POLH: variants seen among roughly 807,000 people sequenced by gnomAD.
The protein encoded by POLH is DNA polymerase eta.
A neutral mutation model predicts 73.6 loss-of-function variants in POLH; 53 were observed. The observed-to-expected ratio is 0.72, with a 90% CI of 0.58 to 0.91. The LOEUF (loss-of-function observed/expected upper bound fraction) is 0.91. Ranked by LOEUF, POLH falls within the 40% of genes least tolerant of loss-of-function variation. POLH has a pLI of 0.00. For missense variants in POLH, 768 were observed against 865.4 expected (o/e 0.89, Z 1.41); for synonymous variants, 292 against 308.5 (o/e 0.95, Z 0.56).
chr6:43,587,959 G>C (rs537405880), intron 4 of POLH, among the ~76,000 whole-genome samples: 11 of 152,288 alleles, frequency 7.2e-5, no homozygotes, highest in Non-Finnish European at 1.3e-4. Context: ...CCAGGACCCA[G>C]GAGGTGGAGA....
chr6:43,596,915 C>T (rs1228859869), intron 4 of POLH, among the ~76,000 whole-genome samples: 1 of 151,886 alleles, frequency 6.6e-6, no homozygotes, highest in Non-Finnish European at 1.5e-5. Context: ...TCTAGTGCCT[C>T]GGAGTGGATT....
rs1387829019 is a variant in POLH at position 43,620,454 on chromosome 6, A to T, written c.*5897A>T. On this transcript the variant is annotated 3_prime_UTR_variant, in exon 11 of 11. Transcript: ENST00000372236. ...ATCCTGAAGAGGTATCTAGCCCTGG[A>T]AGGAAGCTGAGCCTGTAGCTAACGC... 2.7e-6 allele frequency: 1 copy of T among 369,044 alleles called. No homozygotes were observed. Among genetic ancestry groups the T allele is most frequent in the African/African-American group, 2.1e-5 (1 of 46,996 alleles). 22.9% of individuals were successfully genotyped at this position (369,044 alleles called of 1,614,324 possible). A position where few individuals can be genotyped will look rare whatever the true frequency, so the allele number is the denominator to read the frequency against.
chr6:43,587,083 T>A (rs1319255680), intron 3 of POLH, among the ~76,000 whole-genome samples, 189 bp from the exon 4 acceptor site: 1 of 152,236 alleles, frequency 6.6e-6, no homozygotes, highest in Non-Finnish European at 1.5e-5. Flanking sequence ...ATTCTTCCTT[T>A]TCCATGCTTC....
Position 43,618,771 on chromosome 6 carries a change from T to C in POLH, c.*4214T>C, listed in dbSNP as rs1039307465. Among the ~76,000 whole-genome samples, 3 of 152,020 alleles carry C rather than the reference T, an allele frequency of 2.0e-5. No individual in the cohort carries two copies. Among genetic ancestry groups the C allele is most frequent in the Admixed American group, 6.6e-5 (1 of 15,262 alleles). ...TCAGCCTCCTGAGTAGCTGGGATTA[T>C]AGGCATGCACCATCACGCCTGGCTA... On this transcript the variant is annotated 3_prime_UTR_variant, in exon 11 of 11. Coordinates refer to ENST00000372236, the MANE Select transcript of POLH (RefSeq NM_006502.3).
intron 5 of POLH, among the ~76,000 whole-genome samples, chr6:43,598,946 A>G (rs1008214508): frequency 2.0e-5 from 3 of 150,464 alleles, no homozygotes; most frequent in Non-Finnish European, 4.4e-5. Flanking sequence ...TTGCACTTAC[A>G]TACATTAATG....
chr6:43,617,711 C>T lies in POLH; in HGVS notation c.*3154C>T, dbSNP rs948028130. On this transcript the variant is annotated 3_prime_UTR_variant, in exon 11 of 11. Coordinates refer to ENST00000372236, the MANE Select transcript of POLH (RefSeq NM_006502.3). ...TTGGGAGGCTGAGGTGGGTGTATCACGAGGTCAAGAGATCAAGGCCATCCT... is the reference window on the plus strand; with the variant it reads ...TTGGGAGGCTGAGGTGGGTGTATCATGAGGTCAAGAGATCAAGGCCATCCT... Among the ~76,000 whole-genome samples the T allele has an allele frequency of 1.4e-4, 21 of 151,962 alleles. No individual in the cohort carries two copies. The highest frequency in any genetic ancestry group is 1.2e-3 in the Admixed American group (18 of 15,242).
chr6:43,594,607 T>C (rs974228466), intron 4 of POLH, among the ~76,000 whole-genome samples: 1 of 152,146 alleles, frequency 6.6e-6, no homozygotes, highest in Admixed American at 6.5e-5. Flanking sequence ...CTCCGGAGGC[T>C]GAAGCAGGAT....
Position 43,583,127 on chromosome 6 carries a change from A to G in POLH, c.258A>G (p.Lys86=), listed in dbSNP as rs1322437880. 5.6e-6 allele frequency: 9 copies of G among 1,614,032 alleles called. No homozygotes were observed. Among genetic ancestry groups the G allele is most frequent in the Non-Finnish European group, 7.6e-6 (9 of 1,179,952 alleles). ...LLAQVRESRG[K]ANLTKYREAS... ...CACAAGTTCGTGAGTCCCGTGGGAA[A>G]GCTAACCTCACCAAGTAAGAAAAAA... is the stretch of plus-strand genomic sequence containing the variant. Residue 86 remains lysine (K), a synonymous_variant, in exon 3 of 11, where the codon AAA becomes AAG. Transcript: ENST00000372236.
intron 5 of POLH, 129 bp downstream of exon 5, chr6:43,597,994 C>T (rs1044736898): frequency 1.4e-5 from 11 of 792,890 alleles, no homozygotes; most frequent in South Asian, 4.3e-5. Flanking sequence ...GAGTGGATCG[C>T]GTGAGCCCAG....
At chr6:43,608,024 A>G (rs1767487382) in intron 9 of POLH, among the ~76,000 whole-genome samples, 1 of 152,130 alleles carries the variant, frequency 6.6e-6, no homozygotes, top group South Asian at 2.1e-4. Flanking sequence ...CCAGCTACGC[A>G]GGAGGCTGAG....
At position 43,619,674 on chromosome 6, in the gene POLH, G is replaced by A. The variant is rs1486203991; in HGVS notation, c.*5117G>A. 6.6e-6 allele frequency among the ~76,000 whole-genome samples: 1 copy of A among 152,210 alleles called. No homozygotes were observed. The highest frequency in any genetic ancestry group is 1.9e-4 in the East Asian group (1 of 5,194). The stretch of plus-strand genomic sequence containing the variant: ...GAGATGTCTTATTAAGTACTGAAAT[G>A]TGATTTTCCAAAATTTTCTTTACAA... On this transcript the variant is annotated 3_prime_UTR_variant, in exon 11 of 11. Coordinates refer to ENST00000372236, the MANE Select transcript of POLH (RefSeq NM_006502.3).
At chr6:43,580,679 C>T (rs1378262588) in intron 1 of POLH, among the ~76,000 whole-genome samples, 1 of 139,468 alleles carries the variant, frequency 7.2e-6, no homozygotes, top group African/African-American at 2.8e-5. Context: ...GACCCCCCCA[C>T]CTCCCTCCCG....
intron 5 of POLH, among the ~76,000 whole-genome samples, chr6:43,598,720 T>C (rs1247069379): frequency 6.6e-6 from 1 of 152,088 alleles, no homozygotes; most frequent in African/African-American, 2.4e-5. Flanking sequence ...ATAGGTGTTA[T>C]AAGAAATTAG....
chr6:43,583,962 G>A (rs891034243), intron 3 of POLH, among the ~76,000 whole-genome samples: 2 of 152,062 alleles, frequency 1.3e-5, no homozygotes, highest in African/African-American at 2.4e-5. Context: ...GGCAACATGG[G>A]GAAACCCCAT....
chr6:43,583,686 T>A (rs955451230), intron 3 of POLH, among the ~76,000 whole-genome samples: 3 of 152,230 alleles, frequency 2.0e-5, no homozygotes, highest in Admixed American at 2.0e-4. Context: ...TCCTAACAGC[T>A]AATATGTATT....
chr6:43,583,219 A>T, intron 3 of POLH, 78 bp downstream of exon 3: 1 of 1,334,122 alleles, frequency 7.5e-7, no homozygotes, highest in Non-Finnish European at 1.1e-6. Context: ...TGGTGTTTTG[A>T]ATTTGTTCCA....
chr6:43,585,934 G>A (rs1561899288), intron 3 of POLH, among the ~76,000 whole-genome samples: 3 of 151,012 alleles, frequency 2.0e-5, no homozygotes, highest in Admixed American at 1.3e-4. Context: ...GTGAACTGCT[G>A]CGCCCGATCT....
intron 9 of POLH, among the ~76,000 whole-genome samples, chr6:43,610,120 G>A (rs1767739581): frequency 1.4e-5 from 2 of 139,964 alleles, no homozygotes; most frequent in Non-Finnish European, 3.0e-5. Flanking sequence ...GGAGTGCAGT[G>A]GCACCATCTT....
At position 43,613,886 on chromosome 6, in the gene POLH, CAG is replaced by C. The variant is rs1237209449; in HGVS notation, c.1473_1474del (p.Lys492SerfsTer2). ...ESFFQKAAER[Q>X]KVKEASLSSL... ...ATTCTTCCAAAAAGCTGCAGAAAGG[CAG>C]AAAGTTAAAGAAGCTTCGCTTTCAT... On this transcript the variant is annotated frameshift_variant, in exon 11 of 11. Transcript: ENST00000372236. LOFTEE classifies it high-confidence loss of function. 1 of 1,614,148 alleles carries C rather than the reference CAG, an allele frequency of 6.2e-7. No individual in the cohort carries two copies. The highest frequency in any genetic ancestry group is 8.5e-7 in the Non-Finnish European group (1 of 1,180,038).
Sources: allele counts gnomAD v4.1 joint callset (sites outside exome capture counted in the v4.1 genomes callset), GRCh38; gene constraint gnomAD v4.1.1; transcripts MANE v1.5; gene names NCBI Gene and HGNC (gene_info 2026-07-23, HGNC 2026-07-21).